SKP2: variants seen among roughly 807,000 people sequenced by gnomAD.
SKP2 encodes S-phase kinase associated protein 2, also known as S-phase kinase-associated protein 2.
Under a neutral mutation model 51.8 loss-of-function variants are expected in SKP2, and 16 were observed. The observed-to-expected ratio is 0.31, with a 90% CI of 0.21 to 0.47. SKP2 has a LOEUF of 0.47. SKP2 is among the 20% of genes least tolerant of loss of function. SKP2 has a pLI of 1.00. For missense variants in SKP2, 377 were observed against 505.3 expected (o/e 0.75, Z 2.43); for synonymous variants, 176 against 198.6 (o/e 0.89, Z 0.96).
At chr5:36,160,626 A>G (rs185811203) in intron 2 of SKP2, among the ~76,000 whole-genome samples, 1 of 152,356 alleles carries the variant, frequency 6.6e-6, no homozygotes, top group African/African-American at 2.4e-5. Flanking sequence ...TGCCCAATCA[A>G]TTACTAGATT....
chr5:36,168,315 C>T lies in SKP2; in HGVS notation c.539C>T (p.Pro180Leu), dbSNP rs767481880. 2 of 1,613,688 alleles carry T rather than the reference C, an allele frequency of 1.2e-6. No homozygotes were observed. Among genetic ancestry groups the T allele is most frequent in the Admixed American group, 1.7e-5 (1 of 59,964 alleles). Residue 180 changes from proline (P) to leucine (L), a missense_variant and splice_region_variant, in exon 5 of 10, where the codon CCT (proline) becomes CTT (leucine). Around this residue, in one of 2 missense-constraint regions of SKP2, gnomAD observed 262 missense variants for 389.8 expected, o/e 0.67. Coordinates refer to ENST00000274255, the MANE Select transcript of SKP2 (RefSeq NM_005983.4). Reference sequence around the variant, plus strand: ...TCCTTTTTTCTCTCCGTGTTTAGCCCTTTTCGTGTACAGCACATGGACCTA... The same window carrying T: ...TCCTTTTTTCTCTCCGTGTTTAGCCTTTTTCGTGTACAGCACATGGACCTA... ...MDQPLAEHFS[P>L]FRVQHMDLSN...
At chr5:36,153,560 A>C (rs990957378) in intron 2 of SKP2, among the ~76,000 whole-genome samples, 3 of 152,006 alleles carry the variant, frequency 2.0e-5, no homozygotes, top group Non-Finnish European at 4.4e-5. Flanking sequence ...TGCTGACACT[A>C]TCTGTTTAAT....
Position 36,152,990 on chromosome 5 carries a change from CAAAGA to C in SKP2, c.229_233del (p.Lys77LeufsTer8). 1 of 1,614,120 alleles carries C rather than the reference CAAAGA, an allele frequency of 6.2e-7. No individual in the cohort carries two copies. Among genetic ancestry groups the C allele is most frequent in the South Asian group, 1.1e-5 (1 of 91,076 alleles). On this transcript the variant is annotated frameshift_variant, in exon 2 of 10. Transcript: ENST00000274255. LOFTEE classifies it high-confidence loss of function. ...AACGGCTGAAGAGCAAAGGGAGTGA[CAAAGA>C]CTTTGTGATTGTCCGCAGGCCTAAG... is the stretch of plus-strand genomic sequence containing the variant.
chr5:36,159,038 C>T (rs1561532258), intron 2 of SKP2, among the ~76,000 whole-genome samples: 1 of 152,164 alleles, frequency 6.6e-6, no homozygotes, highest in East Asian at 1.9e-4. Flanking sequence ...ATACATTTGG[C>T]AAATATTTAT....
At chr5:36,191,860 A>G (rs754749945) in intron 6 of SKP2, among the ~76,000 whole-genome samples, 10 of 151,802 alleles carry the variant, frequency 6.6e-5, no homozygotes, top group Non-Finnish European at 1.3e-4. Flanking sequence ...CCAAGAGACT[A>G]ACCCTTCAAG....
At chr5:36,165,858 A>C (rs1365433095) in intron 3 of SKP2, among the ~76,000 whole-genome samples, 1 of 152,218 alleles carries the variant, frequency 6.6e-6, no homozygotes, top group Admixed American at 6.5e-5. Flanking sequence ...GTACGTTTTT[A>C]GAACATCCCT....
intron 7 of SKP2, among the ~76,000 whole-genome samples, chr5:36,174,862 C>T (rs969352288): frequency 1.3e-4 from 19 of 151,994 alleles, no homozygotes; most frequent in African/African-American, 4.6e-4. Flanking sequence ...AGTGCAAATA[C>T]CTTGATATGG....
Position 36,182,008 on chromosome 5 carries a change from C to G in SKP2, c.1252C>G (p.Leu418Val), listed in dbSNP as rs375156029. 21 of 1,614,034 alleles carry G rather than the reference C, an allele frequency of 1.3e-5. No homozygotes were observed. The highest frequency in any genetic ancestry group is 1.7e-5 in the Non-Finnish European group (20 of 1,180,010). ...ATGGGGCATCAAATGCCGACTGACA[C>G]TGCAAAAGCCCAGTTGTCTATGAAG... is the stretch of plus-strand genomic sequence containing the variant. ...EIWGIKCRLT[L>V]QKPSCL Residue 418 changes from leucine (L) to valine (V), a missense_variant, in exon 10 of 10, where the codon CTG becomes GTG. By Grantham distance (32) the Leu-to-Val change is conservative. This residue lies in a region of SKP2 where 262 missense variants were observed against 389.8 expected (regional missense o/e 0.67). Coordinates refer to ENST00000274255, the MANE Select transcript of SKP2 (RefSeq NM_005983.4).
chr5:36,184,910 C>G (rs1193859466), downstream of SKP2, among the ~76,000 whole-genome samples: 1 of 152,200 alleles, frequency 6.6e-6, no homozygotes, highest in East Asian at 1.9e-4. Flanking sequence ...ATCTCCACAT[C>G]CTCTCCAGTA....
intron 2 of SKP2, among the ~76,000 whole-genome samples, chr5:36,159,187 A>T (rs1046360171): frequency 2.6e-5 from 4 of 152,168 alleles, no homozygotes; most frequent in African/African-American, 9.7e-5. Flanking sequence ...TGGGAAGGCA[A>T]AGATGGAAGT....
chr5:36,182,684 G>T lies in SKP2; in HGVS notation c.*653G>T. The T allele has an allele frequency of 1.3e-5, 13 of 977,088 alleles. No homozygotes were observed. Among genetic ancestry groups the T allele is most frequent in the Non-Finnish European group, 1.6e-5 (13 of 822,434 alleles). 60.5% of individuals were successfully genotyped at this position (977,088 alleles called of 1,614,324 possible). On this transcript the variant is annotated 3_prime_UTR_variant, in exon 10 of 10. Coordinates refer to ENST00000274255, the MANE Select transcript of SKP2 (RefSeq NM_005983.4). ...TATAGAATCAATATAGGATTTGAAG[G>T]CCCAGCAGACAGTTTTCTATGACAG...
At chr5:36,186,641 G>A (rs973910026), downstream of SKP2, among the ~76,000 whole-genome samples, 11 of 151,928 alleles carry the variant, frequency 7.2e-5, no homozygotes, top group Non-Finnish European at 1.0e-4. Flanking sequence ...TGCTGGATTC[G>A]GTTTGCCAGT....
rs1745076920 is a variant in SKP2, at chr5:36,160,069, T to C, written c.281-3576T>C. ...CTCATTTACTCTTCACTGAACAATT[T>C]TGCAAGATAAATCTGTCAATTTCCT... On this transcript the variant is annotated intron_variant, in intron 2 of 9. Coordinates refer to ENST00000274255, the MANE Select transcript of SKP2 (RefSeq NM_005983.4). Among the ~76,000 whole-genome samples the C allele has an allele frequency of 2.0e-5, 3 of 152,216 alleles. No homozygotes were observed. The South Asian group carries it at 6.2e-4, about 31-fold the overall frequency.
At chr5:36,172,023 C>T (rs1745492961) in intron 7 of SKP2, among the ~76,000 whole-genome samples, 1 of 152,150 alleles carries the variant, frequency 6.6e-6, no homozygotes, top group South Asian at 2.1e-4. Flanking sequence ...GTTAGGTAAA[C>T]CCCAACATAA....
intron 3 of SKP2, 72 bp downstream of exon 3, chr5:36,163,828 C>T (rs937497724): frequency 2.9e-6 from 3 of 1,027,228 alleles, no homozygotes; most frequent in African/African-American, 1.6e-5. Context: ...TCGTTTTGGT[C>T]TGATGAAACT....
intron 2 of SKP2, among the ~76,000 whole-genome samples, chr5:36,154,880 C>T (rs1744893349): frequency 6.6e-6 from 1 of 152,042 alleles, no homozygotes. Flanking sequence ...TGGTCAGATT[C>T]CGGATATATT....
intron 7 of SKP2, among the ~76,000 whole-genome samples, chr5:36,175,030 T>G (rs547067366): frequency 8.5e-5 from 13 of 152,130 alleles, no homozygotes; most frequent in Non-Finnish European, 2.9e-5. Flanking sequence ...GACTTCATTT[T>G]AAAAGACTCA....
At chr5:36,189,453 C>CT (rs1745985615) in intron 6 of SKP2, among the ~76,000 whole-genome samples, 1 of 152,220 alleles carries the variant, frequency 6.6e-6, no homozygotes, top group African/African-American at 2.4e-5. Context: ...GGACCCTCAG[C>CT]TGCACGTCTG....
intron 2 of SKP2, chr5:36,155,264 A>G (rs995410629): frequency 1.3e-5 from 2 of 152,190 alleles, no homozygotes; most frequent in African/African-American, 4.8e-5. Context: ...TTTCTTTAGG[A>G]AAGAGAACTT....
Sources: allele counts gnomAD v4.1 joint callset (sites outside exome capture counted in the v4.1 genomes callset), GRCh38; gene constraint gnomAD v4.1.1; regional missense constraint gnomAD v4.1.1; transcripts MANE v1.5; gene names NCBI Gene and HGNC (gene_info 2026-07-23, HGNC 2026-07-21).